Variants in SEMA3A observed in about 807,000 individuals in gnomAD.
SEMA3A encodes semaphorin 3A, also known as semaphorin-3A.
A neutral mutation model predicts 97.9 loss-of-function variants in SEMA3A; 29 were observed. That is an observed-to-expected ratio of 0.30 (90% CI 0.22 to 0.40). The LOEUF (loss-of-function observed/expected upper bound fraction) is 0.40, where lower values mean the gene tolerates loss of function less well. Ranked by LOEUF, SEMA3A falls within the 10% of genes least tolerant of loss-of-function variation. SEMA3A has a pLI of 1.00. For missense variants in SEMA3A, 763 were observed against 951.3 expected (o/e 0.80, Z 2.60); for synonymous variants, 321 against 323.7 (o/e 0.99, Z 0.09).
chr7:84,110,747 C>T (rs1795256397), intron 3 of SEMA3A, among the ~76,000 whole-genome samples, 158 bp from the exon 4 acceptor site: 1 of 148,996 alleles, frequency 6.7e-6, no homozygotes, highest in Non-Finnish European at 1.5e-5. Flanking sequence ...ATTTATTATT[C>T]TATTGTTTTG....
chr7:84,118,652 C>A (rs1214598414), intron 3 of SEMA3A, among the ~76,000 whole-genome samples: 1 of 152,092 alleles, frequency 6.6e-6, no homozygotes, highest in Non-Finnish European at 1.5e-5. Context: ...TTTAAGTCAC[C>A]CAAATCGACC....
intron 6 of SEMA3A, among the ~76,000 whole-genome samples, chr7:84,042,779 A>G (rs549756203): frequency 1.3e-5 from 2 of 152,168 alleles, no homozygotes; most frequent in Admixed American, 1.3e-4. Context: ...AGACATAAAC[A>G]ATATTGGAAA....
chr7:84,343,773 G>C (rs1361483276), intron 2 of SEMA3A, among the ~76,000 whole-genome samples: 1 of 152,134 alleles, frequency 6.6e-6, no homozygotes, highest in Non-Finnish European at 1.5e-5. Context: ...GCCGAGGGGA[G>C]AGGAGCTCAG....
intron 3 of SEMA3A, chr7:84,306,674 G>A (rs1435669986): frequency 1.3e-5 from 2 of 152,062 alleles, no homozygotes; most frequent in African/African-American, 4.8e-5. Flanking sequence ...TTTCCTGACT[G>A]TATTTTACTT....
intron 2 of SEMA3A, among the ~76,000 whole-genome samples, chr7:84,329,424 A>G (rs752754354): frequency 1.3e-5 from 2 of 151,972 alleles, no homozygotes; most frequent in Non-Finnish European, 2.9e-5. Context: ...TCAGCTCATC[A>G]GCTATTGTTA....
chr7:84,026,649 C>A (rs1374617125), intron 6 of SEMA3A, among the ~76,000 whole-genome samples: 1 of 152,146 alleles, frequency 6.6e-6, no homozygotes, highest in Non-Finnish European at 1.5e-5. Context: ...TGCATGTACA[C>A]CATGGAATAC....
At chr7:84,048,749 G>C (rs1792466098) in intron 5 of SEMA3A, among the ~76,000 whole-genome samples, 1 of 152,022 alleles carries the variant, frequency 6.6e-6, no homozygotes, top group African/African-American at 2.4e-5. Flanking sequence ...ATGTCAACAG[G>C]AGGTTTAATA....
At chr7:84,329,998 C>T (rs1447922475) in intron 2 of SEMA3A, among the ~76,000 whole-genome samples, 1 of 151,806 alleles carries the variant, frequency 6.6e-6, no homozygotes, top group Non-Finnish European at 1.5e-5. Context: ...GATTTTGGGC[C>T]AATCATAATA....
chr7:84,250,599 G>A, intron 3 of SEMA3A, among the ~76,000 whole-genome samples: 1 of 152,150 alleles, frequency 6.6e-6, no homozygotes, highest in East Asian at 1.9e-4. Flanking sequence ...GGCAATCACA[G>A]TGTGTTTAAA....
chr7:84,128,728 G>T (rs1422811958), intron 3 of SEMA3A, among the ~76,000 whole-genome samples: 1 of 151,982 alleles, frequency 6.6e-6, no homozygotes, highest in East Asian at 1.9e-4. Context: ...ATTACTGCAG[G>T]TCGAGCATCC....
chr7:84,232,565 A>G (rs1192471308), intron 3 of SEMA3A, among the ~76,000 whole-genome samples: 2 of 151,796 alleles, frequency 1.3e-5, no homozygotes, highest in African/African-American at 4.8e-5. Flanking sequence ...TAAGAGCCAT[A>G]CTATCCTTTT....
chr7:84,051,992 T>G (rs1355275762), intron 5 of SEMA3A, among the ~76,000 whole-genome samples: 26 of 151,602 alleles, frequency 1.7e-4, no homozygotes, highest in African/African-American at 6.0e-4. Flanking sequence ...TCTTTGGTTC[T>G]GTTTATATGC....
intron 1 of SEMA3A, among the ~76,000 whole-genome samples, chr7:84,193,446 C>T (rs1047647032): frequency 6.6e-6 from 1 of 152,042 alleles, no homozygotes; most frequent in Non-Finnish European, 1.5e-5. Flanking sequence ...GAGCTTCTCA[C>T]TGCTCCACCC....
At chr7:84,133,034 G>C (rs1796012893) in intron 2 of SEMA3A, among the ~76,000 whole-genome samples, 2 of 151,908 alleles carry the variant, frequency 1.3e-5, no homozygotes, top group South Asian at 4.1e-4. Context: ...ACAAAAATCT[G>C]CTAATTTTAT....
chr7:84,112,447 C>A (rs3801643), intron 3 of SEMA3A, among the ~76,000 whole-genome samples: 61,452 of 151,984 alleles, frequency 0.4, 14,216 homozygotes, highest in Admixed American at 0.52. Context: ...TTCCACAAAC[C>A]CCAATTTTTC....
At chr7:84,152,501 A>G (rs1255217389) in intron 1 of SEMA3A, among the ~76,000 whole-genome samples, 1 of 133,602 alleles carries the variant, frequency 7.5e-6, no homozygotes, top group Admixed American at 7.9e-5. Flanking sequence ...ATGAGATCAC[A>G]TGGACACAGG....
At chr7:84,424,849 A>C (rs1219503382) in intron 1 of SEMA3A, among the ~76,000 whole-genome samples, 2 of 79,768 alleles carry the variant, frequency 2.5e-5, no homozygotes, top group Non-Finnish European at 4.4e-5. Flanking sequence ...ATATTTATAT[A>C]TAAATAATTT....
intron 3 of SEMA3A, among the ~76,000 whole-genome samples, chr7:84,241,354 A>G (rs1378073885): frequency 6.6e-6 from 1 of 152,180 alleles, no homozygotes; most frequent in African/African-American, 2.4e-5. Context: ...TCTAATGACC[A>G]GTGATGATGA....
chr7:84,416,124 C>T (rs1046553092), intron 1 of SEMA3A, among the ~76,000 whole-genome samples: 3 of 152,100 alleles, frequency 2.0e-5, no homozygotes, highest in Non-Finnish European at 4.4e-5. Flanking sequence ...TATGTCCCCA[C>T]CCAAATCTCA....
Sources: gnomAD v4.1 joint callset for allele counts (sites outside exome capture counted in the v4.1 genomes callset) on GRCh38, gnomAD v4.1.1 for gene constraint, MANE v1.5 for transcripts, NCBI Gene and HGNC (gene_info 2026-07-23, HGNC 2026-07-21) for gene names.